Variants in SLAMF9 observed in about 807,000 individuals in gnomAD.
SLAMF9 encodes CD2 family member 10.
SLAMF9 carries 25 observed loss-of-function variants against 30.4 expected under a neutral mutation model. The observed-to-expected ratio is 0.82, with a 90% CI of 0.60 to 1.15. SLAMF9 has a LOEUF of 1.15. Ranked by LOEUF, SLAMF9 falls within the 50% of genes most tolerant of loss-of-function variation. The pLI, the probability that SLAMF9 is intolerant of heterozygous loss-of-function variation, is 0.00. For missense variants in SLAMF9, 344 were observed against 346.1 expected, an observed-to-expected ratio of 0.99 and a Z score of 0.05; for synonymous variants, 129 against 127.2, an observed-to-expected ratio of 1.01 and a Z score of -0.09.
At chr1:159,967,026 G>A in the SLAMF9 span, among the ~76,000 whole-genome samples, 1 of 151,978 alleles carries the variant, frequency 6.6e-6, no homozygotes, top group Non-Finnish European at 1.5e-5. Flanking sequence ...GTTACCTGAG[G>A]TGTCAGAGTC....
chr1:159,961,307 G>A, the SLAMF9 span: 1 of 152,160 alleles, frequency 6.6e-6, no homozygotes, highest in Non-Finnish European at 1.5e-5. Context: ...ATAATAAAAG[G>A]CCAAACCTTT....
the SLAMF9 span, chr1:159,973,352 A>G: frequency 7.1e-6 from 4 of 564,104 alleles, no homozygotes; most frequent in Non-Finnish European, 1.3e-5. Context: ...CTGAGGCCTG[A>G]GCTTCTACTC....
upstream of SLAMF9, among the ~76,000 whole-genome samples, chr1:159,957,877 C>CA (rs56404764): frequency 0.88 from 133,201 of 152,206 alleles, 58,739 homozygotes; most frequent in East Asian, 1. Context: ...GTGAGAATAC[C>CA]GTTAGATTAT....
the SLAMF9 span, among the ~76,000 whole-genome samples, chr1:159,974,776 A>C: frequency 6.6e-6 from 1 of 152,240 alleles, no homozygotes; most frequent in Admixed American, 6.5e-5. Context: ...CTCAAGAGCC[A>C]ACAGCCATGG....
Position 159,951,772 on chromosome 1 carries a change from T to G in SLAMF9, c.759A>C (p.Gly253=). The stretch of plus-strand genomic sequence containing the variant: ...TTTTCTGGACTCGGATGACCCAGAG[T>G]CCCATGGCCAGAATTACCAAGAGCA... ...IFLLLVILAM[G]LWVIRVQKRH... is the part of the protein sequence containing the mutation. Residue 253 remains glycine, a synonymous_variant, in exon 4 of 4, where the codon GGA becomes GGC. Transcript: ENST00000368093. 6.2e-7 allele frequency: 1 copy of G among 1,614,044 alleles called. No individual in the cohort carries two copies. Among genetic ancestry groups the G allele is most frequent in the Non-Finnish European group, 8.5e-7 (1 of 1,179,992 alleles).
At chr1:159,961,558 G>T in the SLAMF9 span, among the ~76,000 whole-genome samples, 1 of 151,660 alleles carries the variant, frequency 6.6e-6, no homozygotes, top group East Asian at 1.9e-4. Context: ...GTGTTAAAAA[G>T]GTGATTATTC....
chr1:159,970,533 A>G, the SLAMF9 span, among the ~76,000 whole-genome samples: 8 of 152,260 alleles, frequency 5.3e-5, no homozygotes, highest in Non-Finnish European at 7.3e-5. Context: ...TGGAAAGCAG[A>G]AAGCTACATT....
upstream of SLAMF9, chr1:159,954,366 G>C: frequency 2.5e-6 from 1 of 402,606 alleles, no homozygotes; most frequent in Non-Finnish European, 4.4e-6. Context: ...TGTCATGACA[G>C]TTTACTCACT....
chr1:159,970,612 C>T, the SLAMF9 span, among the ~76,000 whole-genome samples: 1 of 152,210 alleles, frequency 6.6e-6, no homozygotes, highest in East Asian at 1.9e-4. Flanking sequence ...TTCCTTGCTG[C>T]AACTTATTTT....
At chr1:159,972,743 G>A in the SLAMF9 span, 3 of 366,038 alleles carry the variant, frequency 8.2e-6, no homozygotes, top group Non-Finnish European at 1.4e-5. Flanking sequence ...GGATTGGAGG[G>A]GAGCCCCTCT....
At chr1:159,976,973 G>GGAAA in the SLAMF9 span, 1 of 115,804 alleles carries the variant, frequency 8.6e-6, no homozygotes, top group Admixed American at 8.3e-5. Context: ...AAAGAAAGAA[G>GGAAA]GAAAGAAGGA....
chr1:159,956,502 G>A (rs1308438967), upstream of SLAMF9, among the ~76,000 whole-genome samples: 3 of 151,972 alleles, frequency 2.0e-5, no homozygotes, highest in East Asian at 5.8e-4. Context: ...GAGGGAACCA[G>A]CAAAACTTAA....
chr1:159,958,079 T>C (rs949705515), upstream of SLAMF9, among the ~76,000 whole-genome samples: 2 of 152,338 alleles, frequency 1.3e-5, no homozygotes, highest in East Asian at 1.9e-4. Context: ...TGGGCAGGCA[T>C]GTCCAGGCAC....
the SLAMF9 span, among the ~76,000 whole-genome samples, chr1:159,974,629 G>C: frequency 5.1e-4 from 78 of 152,260 alleles, 1 homozygote; most frequent in East Asian, 0.013. Flanking sequence ...CCGATCCCCA[G>C]CAGGGGCTTC....
chr1:159,974,558 T>G, the SLAMF9 span, among the ~76,000 whole-genome samples: 1 of 152,176 alleles, frequency 6.6e-6, no homozygotes, highest in African/African-American at 2.4e-5. Flanking sequence ...TCTGGCTCGC[T>G]CCTACCTTCT....
the SLAMF9 span, chr1:159,978,832 G>T: frequency 1.3e-5 from 2 of 152,192 alleles, no homozygotes; most frequent in Admixed American, 1.3e-4. Flanking sequence ...AACAAAGGAA[G>T]AATTTCCTTG....
chr1:159,953,987 A>G, intron 1 of SLAMF9, 105 bp downstream of exon 1: 2 of 1,379,188 alleles, frequency 1.5e-6, no homozygotes, highest in Non-Finnish European at 2.0e-6. Flanking sequence ...AGAAGAGCTG[A>G]CACATTCAAC....
At chr1:159,966,941 G>T in the SLAMF9 span, among the ~76,000 whole-genome samples, 4 of 151,624 alleles carry the variant, frequency 2.6e-5, no homozygotes, top group South Asian at 6.3e-4. Context: ...TTGTTTTTTT[G>T]TTTGTTTTTG....
At chr1:159,976,125 G>A in the SLAMF9 span, among the ~76,000 whole-genome samples, 1 of 149,608 alleles carries the variant, frequency 6.7e-6, no homozygotes, top group Non-Finnish European at 1.5e-5. Flanking sequence ...GTGTGTGTAA[G>A]TTGTTTTTAA....
Sources: allele counts gnomAD v4.1 joint callset (sites outside exome capture counted in the v4.1 genomes callset), GRCh38; gene constraint gnomAD v4.1.1; transcripts MANE v1.5; gene names NCBI Gene and HGNC (gene_info 2026-07-23, HGNC 2026-07-21).